MACROD2: variants seen among roughly 807,000 people sequenced by gnomAD.
MACROD2 encodes the protein ADP-ribose glycohydrolase MACROD2.
A neutral mutation model predicts 70.4 loss-of-function variants in MACROD2; 36 were observed. That is an observed-to-expected ratio of 0.51 (90% confidence interval 0.39 to 0.68). MACROD2 has a LOEUF of 0.68. Among genes scored for constraint, MACROD2 ranks in the 30% least tolerant of loss-of-function variants. The pLI is 0.00. For missense variants in MACROD2, 496 were observed against 538.4 expected, an observed-to-expected ratio of 0.92 and a Z score of 0.78; for synonymous variants, 172 against 178.8, an observed-to-expected ratio of 0.96 and a Z score of 0.30.
At chr20:14,635,037 G>A (rs949822390) in intron 4 of MACROD2, among the ~76,000 whole-genome samples, 1 of 152,190 alleles carries the variant, frequency 6.6e-6, no homozygotes, top group Admixed American at 6.5e-5. Flanking sequence ...AGTGCAGAGT[G>A]CAATGAGGAT....
intron 5 of MACROD2, among the ~76,000 whole-genome samples, chr20:14,696,168 TTAGA>T (rs1555817186): frequency 1.3e-5 from 2 of 152,194 alleles, no homozygotes; most frequent in Non-Finnish European, 2.9e-5. Context: ...CGAAAACTTC[TTAGA>T]TAGATAGATA....
intron 8 of MACROD2, among the ~76,000 whole-genome samples, chr20:15,675,923 T>C (rs969351134): frequency 6.6e-6 from 1 of 152,192 alleles, no homozygotes; most frequent in Non-Finnish European, 1.5e-5. Context: ...CTCAAAACTT[T>C]AGTTTTGAGA....
At chr20:14,084,209 G>GTA (rs1008857855) in intron 2 of MACROD2, among the ~76,000 whole-genome samples, 7 of 151,322 alleles carry the variant, frequency 4.6e-5, no homozygotes, top group Admixed American at 1.3e-4. Flanking sequence ...TGGGGAGGGT[G>GTA]TATTGTGGTC....
intron 4 of MACROD2, among the ~76,000 whole-genome samples, chr20:14,591,067 A>G (rs139882799): frequency 2.0e-4 from 30 of 152,302 alleles, no homozygotes; most frequent in African/African-American, 7.2e-4. Context: ...TACAAATGAT[A>G]TCCTTCAAGA....
chr20:15,880,241 T>G (rs1315060536), intron 9 of MACROD2, among the ~76,000 whole-genome samples: 1 of 152,050 alleles, frequency 6.6e-6, no homozygotes, highest in African/African-American at 2.4e-5. Flanking sequence ...CCAGAACAGA[T>G]CGGGTTAGTT....
At chr20:15,049,431 C>G (rs1037775075) in intron 5 of MACROD2, among the ~76,000 whole-genome samples, 1 of 151,612 alleles carries the variant, frequency 6.6e-6, no homozygotes, top group Non-Finnish European at 1.5e-5. Context: ...ACAATTCTAT[C>G]TCATCATTGG....
Position 14,293,224 on chromosome 20 carries a change from T to C in MACROD2, c.272-200255T>C, listed in dbSNP as rs1463369876. 1.3e-5 allele frequency among the ~76,000 whole-genome samples: 2 copies of C among 151,442 alleles called. 1 individual carries two copies. The highest frequency in any genetic ancestry group is 2.9e-5 in the Non-Finnish European group (2 of 67,950). On this transcript the variant is annotated intron_variant, in intron 3 of 17. Coordinates refer to ENST00000684519, the MANE Select transcript of MACROD2 (RefSeq NM_001351661.2). ...CATATGCTATTCTAGGCACTGGAGA[T>C]ATAGCAGTGAACAATAGGGAAAAAG...
intron 8 of MACROD2, among the ~76,000 whole-genome samples, chr20:15,587,548 C>T (rs537303045): frequency 1.3e-4 from 20 of 152,292 alleles, no homozygotes; most frequent in East Asian, 5.8e-4. Context: ...AAGTCCCTTC[C>T]GCCTATGAGC....
rs560439358 is a variant in MACROD2, at chr20:15,085,730, C to A, written c.419-144210C>A. On this transcript the variant is annotated intron_variant, in intron 5 of 17. Coordinates refer to ENST00000684519, the MANE Select transcript of MACROD2 (RefSeq NM_001351661.2). ...TGATTCCTTTGGTCTACACTGATCA[C>A]CACTTTTCAATATATTAGAATATTG... Among the ~76,000 whole-genome samples, 8 of 152,060 alleles carry A rather than the reference C, an allele frequency of 5.3e-5. No homozygotes were observed. In the South Asian group the frequency reaches 1.7e-3, roughly 32 times the overall value.
At chr20:15,620,060 A>G (rs1421064687) in intron 8 of MACROD2, among the ~76,000 whole-genome samples, 1 of 152,126 alleles carries the variant, frequency 6.6e-6, no homozygotes, top group Non-Finnish European at 1.5e-5. Flanking sequence ...TCTAAGCAGG[A>G]AATGATGAAA....
intron 15 of MACROD2, among the ~76,000 whole-genome samples, chr20:16,003,099 C>G (rs1271544248): frequency 6.8e-6 from 1 of 147,662 alleles, no homozygotes; most frequent in Non-Finnish European, 1.5e-5. Context: ...CACACACACA[C>G]ACACACACAC....
chr20:15,662,716 T>C (rs538878618), intron 8 of MACROD2, among the ~76,000 whole-genome samples: 2 of 33,062 alleles, frequency 6.0e-5, no homozygotes, highest in East Asian at 0.011. Context: ...TCAGAGAGGG[T>C]TTTTTTTTTT....
chr20:14,100,239 G>A (rs2054280080), intron 3 of MACROD2, among the ~76,000 whole-genome samples: 1 of 151,886 alleles, frequency 6.6e-6, no homozygotes, highest in African/African-American at 2.4e-5. Context: ...TTAGAAAAAT[G>A]TCTCAGAAAG....
intron 5 of MACROD2, among the ~76,000 whole-genome samples, chr20:15,206,787 A>C (rs1455050050): frequency 2.5e-5 from 3 of 118,894 alleles, no homozygotes; most frequent in African/African-American, 1.0e-4. Context: ...CGGACTGCGG[A>C]CTGCAGTGGC....
chr20:14,377,612 T>C (rs547399486), intron 3 of MACROD2, among the ~76,000 whole-genome samples: 1 of 152,358 alleles, frequency 6.6e-6, no homozygotes, highest in East Asian at 1.9e-4. Flanking sequence ...GATCTTGGTA[T>C]TTCTTCACGT....
intron 5 of MACROD2, among the ~76,000 whole-genome samples, chr20:14,740,713 G>C (rs995015722): frequency 6.6e-6 from 1 of 151,916 alleles, no homozygotes; most frequent in African/African-American, 2.4e-5. Context: ...TCTCAATATA[G>C]GAATAATTTT....
chr20:15,256,064 AC>A (rs756710057), intron 6 of MACROD2, among the ~76,000 whole-genome samples: 14 of 152,230 alleles, frequency 9.2e-5, no homozygotes, highest in African/African-American at 1.2e-4. Context: ...CGTAGCCAAC[AC>A]CATCAACTAG....
Position 14,725,465 on chromosome 20 carries a change from A to G in MACROD2, c.418+40506A>G, listed in dbSNP as rs758073261. The stretch of plus-strand genomic sequence containing the variant: ...AGCAAAGGAGACAGAGAAGGCATGC[A>G]AACTGAGCTAGAAAGAAAAATAGAA... On this transcript the variant is annotated intron_variant, in intron 5 of 17. Coordinates refer to ENST00000684519, the MANE Select transcript of MACROD2 (RefSeq NM_001351661.2). Among the ~76,000 whole-genome samples the G allele has an allele frequency of 4.4e-4, 67 of 152,148 alleles. 1 individual carries two copies. The highest frequency in any genetic ancestry group is 1.0e-4 in the Non-Finnish European group (7 of 68,028).
At chr20:14,210,687 G>T (rs1885948) in intron 3 of MACROD2, among the ~76,000 whole-genome samples, 2 of 152,004 alleles carry the variant, frequency 1.3e-5, no homozygotes, top group Admixed American at 1.3e-4. Context: ...GGTTTATTTT[G>T]TTTTGTATCC....
Sources: gnomAD v4.1 joint callset for allele counts (sites outside exome capture counted in the v4.1 genomes callset) on GRCh38, gnomAD v4.1.1 for gene constraint, MANE v1.5 for transcripts, NCBI Gene and HGNC (gene_info 2026-07-23, HGNC 2026-07-21) for gene names.